Variants in PCDH15 observed in about 807,000 individuals in gnomAD.
The protein encoded by PCDH15 is protocadherin related 15, also known as protocadherin-15.
A neutral mutation model predicts 178.5 loss-of-function variants in PCDH15; 129 were observed. The ratio of observed to expected loss-of-function variants is 0.72; its 90% CI spans 0.63 to 0.84. The LOEUF is 0.84. PCDH15 is among the 40% of genes least tolerant of loss of function. The pLI, the probability that PCDH15 is intolerant of heterozygous loss-of-function variation, is 0.00. For missense variants in PCDH15, 2,230 were observed against 2,099.9 expected, an observed-to-expected ratio of 1.06 and a Z score of -1.21; for synonymous variants, 800 against 732.0, an observed-to-expected ratio of 1.09 and a Z score of -1.50.
intron 2 of PCDH15, among the ~76,000 whole-genome samples, chr10:55,150,001 G>C (rs2244236): frequency 0.54 from 80,596 of 150,226 alleles, 22,066 homozygotes; most frequent in South Asian, 0.64. Flanking sequence ...GAGGGAGACA[G>C]AGACAGCGAG....
At chr10:55,580,852 C>A (rs1218891258) in intron 2 of PCDH15, among the ~76,000 whole-genome samples, 1 of 152,184 alleles carries the variant, frequency 6.6e-6, no homozygotes, top group Non-Finnish European at 1.5e-5. Context: ...GTACTGGAAG[C>A]TGGTGGCTGA....
chr10:53,814,460 T>TGCATTAAAAATGTAATAAGAAGTATA (rs2075988184), intron 35 of PCDH15, among the ~76,000 whole-genome samples: 1 of 152,094 alleles, frequency 6.6e-6, no homozygotes, highest in Non-Finnish European at 1.5e-5. Flanking sequence ...TGGCATCAAT[T>TGCATTAAAAATGTAATAAGAAGTATA]GCATTAAAAA....
In PCDH15 at chr10:54,277,045, T is replaced by C. The variant is rs114155965; in HGVS notation, c.877-40114A>G. Among the ~76,000 whole-genome samples the C allele has an allele frequency of 3.5e-3, 536 of 151,772 alleles. 4 individuals are homozygous for C. Among genetic ancestry groups the C allele is most frequent in the African/African-American group, 0.012 (516 of 41,518 alleles). On this transcript the variant is annotated intron_variant, in intron 8 of 37. Transcript: ENST00000644397. ...AGAGCTGGTGGAAATTCAGCACGTT[T>C]TTTTTCCTCTTTTTCTCTCCCTGAA...
chr10:54,956,798 T>C (rs1439339247), intron 2 of PCDH15, among the ~76,000 whole-genome samples: 3 of 151,694 alleles, frequency 2.0e-5, no homozygotes, highest in African/African-American at 7.2e-5. Context: ...TTGAGAAATA[T>C]TGTATGGTTC....
chr10:53,808,852 T>G (rs1167112548), intron 37 of PCDH15: 1 of 1,608,990 alleles, frequency 6.2e-7, no homozygotes, highest in Non-Finnish European at 8.5e-7. Flanking sequence ...CTCCTCACTT[T>G]CCACACCTCC....
At chr10:55,019,021 A>T (rs1195836085) in intron 2 of PCDH15, among the ~76,000 whole-genome samples, 1 of 152,106 alleles carries the variant, frequency 6.6e-6, no homozygotes, top group African/African-American at 2.4e-5. Context: ...AAGTAATTTT[A>T]TTCTTTTAAT....
chr10:53,854,397 T>C (rs2078589487), intron 28 of PCDH15, among the ~76,000 whole-genome samples: 2 of 152,072 alleles, frequency 1.3e-5, no homozygotes, highest in South Asian at 4.1e-4. Flanking sequence ...TTTAAGATGG[T>C]AATGTTTATA....
intron 3 of PCDH15, among the ~76,000 whole-genome samples, chr10:54,855,969 G>T (rs1164303658): frequency 6.6e-6 from 1 of 152,138 alleles, no homozygotes; most frequent in Non-Finnish European, 1.5e-5. Context: ...TACAAAGAGG[G>T]TGTTTTTTCA....
rs1943097057 is a variant in PCDH15, at chr10:54,729,873, T to C, written c.-28-65583A>G. 3.3e-5 allele frequency among the ~76,000 whole-genome samples: 5 copies of C among 151,768 alleles called. No individual in the cohort carries two copies. The South Asian group carries it at 1.0e-3, about 31-fold the overall frequency. ...AGATAGTATCTTACAACGCTCAGAA[T>C]GACTATTATTAAAAAGTCAAAAACA... On this transcript the variant is annotated intron_variant, in intron 1 of 37. Transcript: ENST00000644397.
At chr10:55,610,629 T>C (rs548688240) in intron 2 of PCDH15, among the ~76,000 whole-genome samples, 4 of 152,130 alleles carry the variant, frequency 2.6e-5, no homozygotes, top group African/African-American at 9.6e-5. Flanking sequence ...TTCTGTTTTA[T>C]ATACTTAAGA....
chr10:55,052,565 A>AT (rs1841193006), intron 2 of PCDH15, among the ~76,000 whole-genome samples: 1 of 140,292 alleles, frequency 7.1e-6, no homozygotes. Context: ...AAAAAAAAAA[A>AT]GCTAGGCATG....
chr10:55,168,459 C>T (rs1839251108), intron 1 of PCDH15, among the ~76,000 whole-genome samples: 1 of 152,186 alleles, frequency 6.6e-6, no homozygotes, highest in Admixed American at 6.5e-5. Context: ...CAGTGACCTC[C>T]TGACTGGACA....
chr10:55,408,599 A>G (rs1838261419), intron 2 of PCDH15, among the ~76,000 whole-genome samples: 1 of 152,202 alleles, frequency 6.6e-6, no homozygotes, highest in Admixed American at 6.5e-5. Context: ...TATATTCAAA[A>G]TCACATTAAA....
At chr10:55,301,153 G>T (rs1352425479) in intron 1 of PCDH15, among the ~76,000 whole-genome samples, 2 of 152,126 alleles carry the variant, frequency 1.3e-5, no homozygotes, top group Non-Finnish European at 2.9e-5. Context: ...TATGATAGTT[G>T]TATGTTTAAT....
At chr10:55,347,947 C>T (rs996036981) in intron 2 of PCDH15, among the ~76,000 whole-genome samples, 1 of 151,928 alleles carries the variant, frequency 6.6e-6, no homozygotes, top group African/African-American at 2.4e-5. Context: ...TTTCTTATAT[C>T]ATACAATTGA....
intron 10 of PCDH15, 44 bp downstream of exon 10, chr10:54,213,892 A>C: frequency 8.2e-7 from 1 of 1,220,200 alleles, no homozygotes; most frequent in Non-Finnish European, 1.2e-6. Context: ...TTATCTGATT[A>C]GCAGTTCATA....
At chr10:54,462,643 G>A (rs1352271146) in intron 3 of PCDH15, among the ~76,000 whole-genome samples, 1 of 122,792 alleles carries the variant, frequency 8.1e-6, no homozygotes, top group Non-Finnish European at 1.6e-5. Context: ...GCCTTCCCCA[G>A]TCTGGAAATA....
intron 14 of PCDH15, among the ~76,000 whole-genome samples, chr10:54,152,649 G>T (rs2044652506): frequency 6.6e-6 from 1 of 152,028 alleles, no homozygotes; most frequent in East Asian, 1.9e-4. Context: ...AGACTAGAAA[G>T]ATGCAATTGT....
intron 3 of PCDH15, among the ~76,000 whole-genome samples, chr10:54,444,875 C>T (rs192403315): frequency 1.3e-5 from 2 of 151,540 alleles, no homozygotes; most frequent in East Asian, 1.9e-4. Context: ...TCACAACAAT[C>T]GTCCATCTTT....
Sources: gnomAD v4.1 joint callset for allele counts (sites outside exome capture counted in the v4.1 genomes callset) on GRCh38, gnomAD v4.1.1 for gene constraint, MANE v1.5 for transcripts, NCBI Gene and HGNC (gene_info 2026-07-23, HGNC 2026-07-21) for gene names.